ZNF334: variants seen among roughly 807,000 people sequenced by gnomAD.
ZNF334 encodes zinc finger protein 334.
A neutral mutation model predicts 12.4 loss-of-function variants in ZNF334; 14 were observed. The observed-to-expected ratio is 1.13, with a 90% CI of 0.74 to 1.76. The LOEUF (loss-of-function observed/expected upper bound fraction) is 1.76, where lower values mean the gene tolerates loss of function less well. Among genes scored for constraint, ZNF334 ranks in the 40% most tolerant of loss-of-function variants. The pLI is 0.00. For synonymous variants in ZNF334, 273 were observed against 269.6 expected (o/e 1.01, Z -0.12); for missense variants, 797 against 804.5 (o/e 0.99, Z 0.11).
chr20:46,469,460 C>T, the ZNF334 span, among the ~76,000 whole-genome samples: 1 of 151,836 alleles, frequency 6.6e-6, no homozygotes, highest in Non-Finnish European at 1.5e-5. Context: ...GCTCCGCCTC[C>T]CAGGTTCACG....
chr20:46,465,719 C>G, the ZNF334 span, among the ~76,000 whole-genome samples: 1 of 151,888 alleles, frequency 6.6e-6, no homozygotes, highest in African/African-American at 2.4e-5. Context: ...CTTTGGGAGG[C>G]TGAGGTGGGT....
the ZNF334 span, among the ~76,000 whole-genome samples, chr20:46,473,602 C>T: frequency 7.2e-5 from 11 of 152,182 alleles, no homozygotes; most frequent in African/African-American, 2.7e-4. Flanking sequence ...TCTTCATCCC[C>T]TCCTGTCCTC....
the ZNF334 span, among the ~76,000 whole-genome samples, chr20:46,482,774 G>C: frequency 6.6e-6 from 1 of 152,224 alleles, no homozygotes; most frequent in African/African-American, 2.4e-5. Context: ...TTTAAGTTTT[G>C]TAATTTATTT....
At chr20:46,462,648 A>G in the ZNF334 span, among the ~76,000 whole-genome samples, 1 of 152,260 alleles carries the variant, frequency 6.6e-6, no homozygotes, top group Admixed American at 6.5e-5. Flanking sequence ...GGATAACCAG[A>G]TAGTTTTAAC....
the ZNF334 span, among the ~76,000 whole-genome samples, chr20:46,480,764 C>A: frequency 3.3e-5 from 5 of 152,138 alleles, no homozygotes; most frequent in African/African-American, 1.2e-4. Flanking sequence ...CAGATGCATG[C>A]TGGGCTTGCT....
the ZNF334 span, among the ~76,000 whole-genome samples, chr20:46,466,743 C>A: frequency 2.0e-5 from 3 of 152,104 alleles, no homozygotes; most frequent in Non-Finnish European, 2.9e-5. Context: ...CTCAGCCTCC[C>A]AAAGTGCTGG....
At chr20:46,505,746 A>C (rs2061408461) in intron 2 of ZNF334, 2 of 153,758 alleles carry the variant, frequency 1.3e-5, no homozygotes, top group African/African-American at 4.8e-5. Context: ...GTGCCAAGGA[A>C]ATCCAACAGA....
the ZNF334 span, among the ~76,000 whole-genome samples, chr20:46,475,576 A>T: frequency 6.6e-6 from 1 of 150,414 alleles, no homozygotes; most frequent in African/African-American, 2.4e-5. Flanking sequence ...ACTCAACAGC[A>T]AAAAAAGAAA....
At chr20:46,464,296 G>A in the ZNF334 span, 1 of 554,138 alleles carries the variant, frequency 1.8e-6, no homozygotes, top group South Asian at 1.4e-5. Context: ...GGTACTCACT[G>A]GGAATGACAA....
In ZNF334 at chr20:46,513,066, T is replaced by C. The variant is rs1371402196; in HGVS notation, c.-565A>G. Reference sequence around the variant, plus strand: ...CAGATACCTCCAGTGAAGTGTCTTTTCCTGTCAAATCTTGACCCTGCCCAT... The same window carrying C: ...CAGATACCTCCAGTGAAGTGTCTTTCCCTGTCAAATCTTGACCCTGCCCAT... On this transcript the variant is annotated 5_prime_UTR_variant, in exon 1 of 5. Transcript: ENST00000692313. 1 of 152,278 alleles carries C rather than the reference T, an allele frequency of 6.6e-6. No homozygotes were observed. Among genetic ancestry groups the C allele is most frequent in the Non-Finnish European group, 1.5e-5 (1 of 68,108 alleles). 9.4% of individuals were successfully genotyped at this position (152,278 alleles called of 1,614,324 possible). A position where few individuals can be genotyped will look rare whatever the true frequency, so the allele number is the denominator to read the frequency against.
At chr20:46,469,104 T>C in the ZNF334 span, among the ~76,000 whole-genome samples, 1 of 152,294 alleles carries the variant, frequency 6.6e-6, no homozygotes, top group South Asian at 2.1e-4. Flanking sequence ...AACAAAAACA[T>C]GTACTCATTT....
intron 2 of ZNF334, among the ~76,000 whole-genome samples, chr20:46,510,650 T>C (rs2694900): frequency 0.24 from 36,169 of 149,560 alleles, 4,917 homozygotes; most frequent in African/African-American, 0.37. Flanking sequence ...GGTGTGAACC[T>C]GGGAGGCTGA....
At chr20:46,504,457 G>A (rs765597368) in intron 3 of ZNF334, 151 bp from the exon 4 acceptor site, 153 of 1,138,584 alleles carry the variant, frequency 1.3e-4, no homozygotes, top group Non-Finnish European at 1.8e-4. Flanking sequence ...GGTAGGGGAA[G>A]GGCAGTGAAT....
At chr20:46,476,933 G>T in the ZNF334 span, 1 of 152,158 alleles carries the variant, frequency 6.6e-6, no homozygotes, top group South Asian at 2.1e-4. Context: ...AATAATGTTT[G>T]CATTTTCTAC....
At chr20:46,495,059 A>G (rs921844980), downstream of ZNF334, among the ~76,000 whole-genome samples, 14 of 152,340 alleles carry the variant, frequency 9.2e-5, no homozygotes, top group Admixed American at 7.8e-4. Flanking sequence ...TATTAAAATC[A>G]CATAACAGTT....
At chr20:46,477,636 C>T in the ZNF334 span, among the ~76,000 whole-genome samples, 2 of 152,164 alleles carry the variant, frequency 1.3e-5, no homozygotes, top group Admixed American at 1.3e-4. Context: ...CATGGCTGGC[C>T]GAGAGCCTGG....
At chr20:46,494,875 T>C (rs1160257150), downstream of ZNF334, among the ~76,000 whole-genome samples, 4 of 152,200 alleles carry the variant, frequency 2.6e-5, no homozygotes, top group Non-Finnish European at 5.9e-5. Flanking sequence ...ATCTAACACT[T>C]TCTTCTTTGT....
At chr20:46,511,552 A>G (rs1174589694) in intron 2 of ZNF334, among the ~76,000 whole-genome samples, 4 of 152,238 alleles carry the variant, frequency 2.6e-5, no homozygotes, top group African/African-American at 4.8e-5. Context: ...TTGTTTTATA[A>G]GTATAGCTGA....
the ZNF334 span, among the ~76,000 whole-genome samples, chr20:46,467,237 G>A: frequency 6.6e-6 from 1 of 152,066 alleles, no homozygotes; most frequent in Non-Finnish European, 1.5e-5. Context: ...TGATATGGCT[G>A]GAGTTTACAA....
Sources: allele counts gnomAD v4.1 joint callset (sites outside exome capture counted in the v4.1 genomes callset), GRCh38; gene constraint gnomAD v4.1.1; transcripts MANE v1.5; gene names NCBI Gene and HGNC (gene_info 2026-07-23, HGNC 2026-07-21).